The following JPH1 variants were observed in gnomAD, a reference collection of about 807,000 sequenced individuals.
JPH1 encodes junctophilin-1.
JPH1 carries 12 observed loss-of-function variants against 53.6 expected under a neutral mutation model. The observed-to-expected ratio is 0.22, with a 90% CI of 0.14 to 0.36. The LOEUF is 0.36. JPH1 is among the 10% of genes least tolerant of loss of function. JPH1 has a pLI of 1.00. For missense variants in JPH1, 808 were observed against 905.5 expected (o/e 0.89, Z 1.38); for synonymous variants, 375 against 363.8 (o/e 1.03, Z -0.35).
chr8:74,280,273 T>C (rs944210378), intron 2 of JPH1, among the ~76,000 whole-genome samples: 7 of 152,150 alleles, frequency 4.6e-5, no homozygotes, highest in Non-Finnish European at 7.3e-5. Context: ...AATAGAACCA[T>C]ACAGGGTGCA....
chr8:74,305,372 G>A (rs1024386629), intron 2 of JPH1, among the ~76,000 whole-genome samples: 1 of 152,238 alleles, frequency 6.6e-6, no homozygotes, highest in African/African-American at 2.4e-5. Context: ...CCAGGTCAAA[G>A]CTGAAACTCA....
In JPH1 at chr8:74,320,273, T is replaced by A. The variant is rs888348514; in HGVS notation, c.379+636A>T. On this transcript the variant is annotated intron_variant, in intron 1 of 5. Coordinates refer to ENST00000342232, the MANE Select transcript of JPH1 (RefSeq NM_020647.4). The surrounding 1 kb of genome is among the most constrained non-coding windows in gnomAD (Gnocchi z 4.4). ...GAATGAAAACTAGGAACTCACACAC[T>A]CTGAACTCCACCTGCATCAGGTGGC... Among the ~76,000 whole-genome samples, 1 of 152,150 alleles carries A rather than the reference T, an allele frequency of 6.6e-6. No homozygotes were observed. The highest frequency in any genetic ancestry group is 1.5e-5 in the Non-Finnish European group (1 of 68,016).
chr8:74,320,958 C>A lies in JPH1; in HGVS notation c.330G>T (p.Trp110Cys). Reference protein sequence around the residue: ...LCTPARYEGTWSNGLQDGYGV... With the variant: ...LCTPARYEGTCSNGLQDGYGV... ...CGTACCCGTCTTGCAGCCCGTTACT[C>A]CAGGTACCCTCGTAGCGAGCGGGGG... The change falls in exon 1 of 6, where the codon TGG becomes TGT. Residue 110 changes from tryptophan (W) to cysteine (C), a missense_variant. Physicochemically the swap from Trp to Cys is radical, Grantham distance 215 (BLOSUM62 -2). Coordinates refer to ENST00000342232, the MANE Select transcript of JPH1 (RefSeq NM_020647.4). This position sits in a 1 kb window ranked among gnomAD's most constrained non-coding sequence, Gnocchi z 4.4. The A allele has an allele frequency of 6.2e-7, 1 of 1,607,478 alleles. No homozygotes were observed. Among genetic ancestry groups the A allele is most frequent in the Non-Finnish European group, 8.5e-7 (1 of 1,177,008 alleles).
At chr8:74,263,258 T>C (rs1404261257) in intron 2 of JPH1, among the ~76,000 whole-genome samples, 4 of 152,204 alleles carry the variant, frequency 2.6e-5, no homozygotes, top group Non-Finnish European at 4.4e-5. Context: ...ACTTTTTATA[T>C]AGTCTTTTCT....
chr8:74,288,558 C>T (rs1348853409), intron 2 of JPH1, among the ~76,000 whole-genome samples: 1 of 151,852 alleles, frequency 6.6e-6, no homozygotes, highest in Non-Finnish European at 1.5e-5. Context: ...GCAGGAATGG[C>T]AAATGTGGGC....
chr8:74,251,190 T>A (rs866428695), intron 3 of JPH1, among the ~76,000 whole-genome samples: 24 of 152,212 alleles, frequency 1.6e-4, no homozygotes, highest in African/African-American at 5.5e-4. Flanking sequence ...AGGTTCTGGC[T>A]CAGGCTTCTC....
chr8:74,319,700 G>T (rs1808260225), intron 1 of JPH1, among the ~76,000 whole-genome samples: 1 of 152,222 alleles, frequency 6.6e-6, no homozygotes, highest in Non-Finnish European at 1.5e-5. Context: ...AAATGGGGTT[G>T]CAGTGGGCTG....
intron 2 of JPH1, among the ~76,000 whole-genome samples, chr8:74,301,888 T>C (rs747938513): frequency 3.9e-5 from 6 of 152,246 alleles, no homozygotes; most frequent in Non-Finnish European, 7.3e-5. Context: ...AATAATACTG[T>C]TCCCAGACAG....
intron 2 of JPH1, among the ~76,000 whole-genome samples, chr8:74,262,794 A>G (rs1806429264): frequency 6.6e-6 from 1 of 152,224 alleles, no homozygotes; most frequent in African/African-American, 2.4e-5. Context: ...GGAGCTGGTT[A>G]TGCTCACTGA....
intron 2 of JPH1, among the ~76,000 whole-genome samples, chr8:74,280,734 A>T (rs540826002): frequency 5.3e-5 from 8 of 152,232 alleles, no homozygotes; most frequent in Non-Finnish European, 1.0e-4. Flanking sequence ...AAAATGTGGA[A>T]ATTAAAAACT....
At chr8:74,253,602 G>A (rs926641191) in intron 3 of JPH1, among the ~76,000 whole-genome samples, 1 of 152,012 alleles carries the variant, frequency 6.6e-6, no homozygotes, top group African/African-American at 2.4e-5. Context: ...ATGAATCCAG[G>A]AGCTGGTTTT....
intron 2 of JPH1, among the ~76,000 whole-genome samples, chr8:74,274,368 G>T (rs1806789438): frequency 6.6e-6 from 1 of 152,210 alleles, no homozygotes. Context: ...AATATTTATA[G>T]AATAATTTTT....
rs550269372 is a variant in JPH1, at chr8:74,292,071, T to C, written c.1139+22790A>G. On this transcript the variant is annotated intron_variant, in intron 2 of 5. Transcript: ENST00000342232. ...GGATAGCATTAGGAGATATACTTAA[T>C]GTAAATGACGAGTTAATGGGTGCAG... Among the ~76,000 whole-genome samples, 9 of 152,234 alleles carry C rather than the reference T, an allele frequency of 5.9e-5. No homozygotes were observed. The South Asian group carries it at 1.9e-3, about 32-fold the overall frequency.
At chr8:74,316,438 G>A (rs1808160393) in intron 1 of JPH1, among the ~76,000 whole-genome samples, 1 of 152,226 alleles carries the variant, frequency 6.6e-6, no homozygotes, top group Non-Finnish European at 1.5e-5. Context: ...GAAGCACCCT[G>A]AGGGCAGGAA....
Position 74,259,381 on chromosome 8 carries a change from T to A in JPH1, c.1258+4A>T. The A allele has an allele frequency of 6.8e-6, 11 of 1,611,144 alleles. No individual in the cohort carries two copies. Among genetic ancestry groups the A allele is most frequent in the Non-Finnish European group, 9.3e-6 (11 of 1,177,656 alleles). Reference sequence around the variant, plus strand: ...CCTCACCCATCAAAGGAGCACTGTTTTACCTGGTTGGTAGAAATCAGGTGA... The same window carrying A: ...CCTCACCCATCAAAGGAGCACTGTTATACCTGGTTGGTAGAAATCAGGTGA... On this transcript the variant is annotated splice_donor_region_variant and intron_variant, in intron 3 of 5. Transcript: ENST00000342232.
At chr8:74,316,466 ACAAAATTCTCATGTGTCCTCTGG>A (rs1808161748) in intron 1 of JPH1, among the ~76,000 whole-genome samples, 1 of 152,220 alleles carries the variant, frequency 6.6e-6, no homozygotes, top group African/African-American at 2.4e-5. Context: ...GTATGAGAAC[ACAAAATTCTCATGTGTCCTCTGG>A]TCTGTGTTTG....
At chr8:74,246,226 T>C (rs1236023326) in intron 3 of JPH1, among the ~76,000 whole-genome samples, 1 of 152,138 alleles carries the variant, frequency 6.6e-6, no homozygotes, top group African/African-American at 2.4e-5. Context: ...CAATGTCTCT[T>C]GAGTATACAT....
intron 4 of JPH1, among the ~76,000 whole-genome samples, chr8:74,242,044 G>C (rs1805712002): frequency 6.6e-6 from 1 of 152,024 alleles, no homozygotes. Flanking sequence ...TTGCCCACAG[G>C]GGTCACAAAA....
chr8:74,241,728 C>T (rs77602720), intron 4 of JPH1, among the ~76,000 whole-genome samples: 125 of 152,120 alleles, frequency 8.2e-4, no homozygotes, highest in African/African-American at 2.8e-3. Context: ...TTACCTCTTT[C>T]GGGGGTGAGG....
Sources: gnomAD v4.1 joint callset for allele counts (sites outside exome capture counted in the v4.1 genomes callset) on GRCh38, gnomAD v4.1.1 for gene constraint, Gnocchi (gnomAD v3.1) non-coding constraint, MANE v1.5 for transcripts, NCBI Gene and HGNC (gene_info 2026-07-23, HGNC 2026-07-21) for gene names.